The following ITGB8 variants were observed in gnomAD, a reference collection of about 807,000 sequenced individuals.
ITGB8 encodes integrin subunit beta 8.
Under a neutral mutation model 89.5 loss-of-function variants are expected in ITGB8, and 30 were observed. The ratio of observed to expected loss-of-function variants is 0.34; its 90% CI spans 0.25 to 0.45. ITGB8 has a LOEUF of 0.45. ITGB8 is among the 20% of genes least tolerant of loss of function. The pLI is 1.00. For synonymous variants in ITGB8, 335 were observed against 320.4 expected (o/e 1.05, Z -0.49); for missense variants, 836 against 933.3 (o/e 0.90, Z 1.36).
intron 7 of ITGB8, among the ~76,000 whole-genome samples, chr7:20,393,981 TA>T (rs1786969127): frequency 6.6e-6 from 1 of 152,146 alleles, no homozygotes; most frequent in South Asian, 2.1e-4. Flanking sequence ...GTGAGATCCT[TA>T]AGGGTGGAAA....
Position 20,412,760 on chromosome 7 carries a change from G to T in ITGB8, c.*2763G>T, listed in dbSNP as rs1416299463. ...TTACTTGAATAATTGATATCTTCCT[G>T]TGTAATGATTTGTGAGATGAGAATT... On this transcript the variant is annotated 3_prime_UTR_variant, in exon 14 of 14. Coordinates refer to ENST00000222573, the MANE Select transcript of ITGB8 (RefSeq NM_002214.3). The T allele has an allele frequency of 6.6e-6, 1 of 152,478 alleles. No individual in the cohort carries two copies. Among genetic ancestry groups the T allele is most frequent in the Non-Finnish European group, 1.5e-5 (1 of 67,974 alleles). The allele number at this position is 152,478 out of a possible 1,614,324, so 9.4% of individuals were successfully genotyped here. A position where few individuals can be genotyped will look rare whatever the true frequency, so the allele number is the denominator to read the frequency against.
At chr7:20,373,117 A>G (rs1387118154) in intron 3 of ITGB8, among the ~76,000 whole-genome samples, 1 of 152,144 alleles carries the variant, frequency 6.6e-6, no homozygotes, top group Non-Finnish European at 1.5e-5. Context: ...ATGACTTCCA[A>G]TGTAGCATCT....
chr7:20,369,479 T>C (rs1785842439), intron 3 of ITGB8, among the ~76,000 whole-genome samples: 1 of 152,108 alleles, frequency 6.6e-6, no homozygotes, highest in Non-Finnish European at 1.5e-5. Flanking sequence ...GTGAAAGCTC[T>C]CCAGTATCTC....
chr7:20,330,413 G>A (rs1484235338), upstream of ITGB8, among the ~76,000 whole-genome samples: 1 of 152,196 alleles, frequency 6.6e-6, no homozygotes, highest in East Asian at 1.9e-4. Flanking sequence ...GGGGGTGAGA[G>A]ATTGGGGTTT....
chr7:20,341,711 CG>C (rs1784761707), intron 1 of ITGB8, among the ~76,000 whole-genome samples: 1 of 152,052 alleles, frequency 6.6e-6, no homozygotes, highest in South Asian at 2.1e-4. Flanking sequence ...TAGGGCTGTC[CG>C]GGGCTGACAG....
intron 1 of ITGB8, among the ~76,000 whole-genome samples, chr7:20,336,748 G>A (rs1394343376): frequency 4.6e-5 from 7 of 152,112 alleles, no homozygotes; most frequent in Non-Finnish European, 1.0e-4. Flanking sequence ...CTTTGCTATG[G>A]ACACACCCAC....
intron 1 of ITGB8, among the ~76,000 whole-genome samples, chr7:20,351,025 G>C (rs1055565598): frequency 6.6e-6 from 1 of 152,210 alleles, no homozygotes; most frequent in African/African-American, 2.4e-5. Flanking sequence ...GGGTACCAAA[G>C]TATTTAGGAG....
At chr7:20,406,291 C>T in intron 12 of ITGB8, 120 bp downstream of exon 12, 1 of 648,488 alleles carries the variant, frequency 1.5e-6, no homozygotes, top group African/African-American at 1.8e-5. Flanking sequence ...TGGCTCACAC[C>T]TGTAATCCCA....
At chr7:20,405,470 C>T (rs376736988) in intron 11 of ITGB8, among the ~76,000 whole-genome samples, 5 of 146,276 alleles carry the variant, frequency 3.4e-5, no homozygotes, top group African/African-American at 5.2e-5. Context: ...GCCACCACGC[C>T]GGGCTAATTT....
intron 2 of ITGB8, chr7:20,364,962 A>G (rs754513969): frequency 6.6e-6 from 1 of 152,216 alleles, no homozygotes; most frequent in Non-Finnish European, 1.5e-5. Flanking sequence ...CTTGCTGTCA[A>G]CTGCTGAATG....
chr7:20,366,763 C>A, intron 2 of ITGB8: 1 of 373,198 alleles, frequency 2.7e-6, no homozygotes, highest in Admixed American at 4.8e-5. Context: ...GACTCTGTCT[C>A]CGACACAGAA....
At chr7:20,332,386 G>C (rs532383582) in intron 1 of ITGB8, among the ~76,000 whole-genome samples, 53 of 152,202 alleles carry the variant, frequency 3.5e-4, no homozygotes, top group African/African-American at 1.2e-3. Flanking sequence ...CAATTTTTGA[G>C]TCCAGAAAAA....
In ITGB8 at chr7:20,346,748, A is replaced by AT. The variant is rs573960439; in HGVS notation, c.127+14816dup. 5.7e-3 allele frequency: 5,569 copies of AT among 985,250 alleles called. 14 individuals are homozygous for AT. The highest frequency in any genetic ancestry group is 6.3e-3 in the Non-Finnish European group (5,268 of 829,756). The allele number at this position is 985,250 out of a possible 1,614,324, so 61.0% of individuals were successfully genotyped here. ...ATTAAAGTGATTGCCTGAGAAGTAT[A>AT]TAACACCTGACGATTATACCTGAAG... is the stretch of plus-strand genomic sequence containing the variant. On this transcript the variant is annotated intron_variant, in intron 1 of 13. Coordinates refer to ENST00000222573, the MANE Select transcript of ITGB8 (RefSeq NM_002214.3).
In ITGB8 at chr7:20,411,658, C is replaced by T. The variant is rs759499239; in HGVS notation, c.*1661C>T. ...GGCAAATGTTTTTCAATGTGATTTA[C>T]TCATGTCTTAAGTGTATGAGGAAAG... On this transcript the variant is annotated 3_prime_UTR_variant, in exon 14 of 14. Transcript: ENST00000222573. The T allele has an allele frequency of 6.6e-5, 10 of 152,620 alleles. No homozygotes were observed. The highest frequency in any genetic ancestry group is 1.3e-4 in the Non-Finnish European group (9 of 68,044). 9.5% of individuals were successfully genotyped at this position (152,620 alleles called of 1,614,324 possible).
At position 20,400,730 on chromosome 7, in the gene ITGB8, C is replaced by T. The variant is rs532579878; in HGVS notation, c.1282-991C>T. 3.3e-3 allele frequency among the ~76,000 whole-genome samples: 497 copies of T among 152,232 alleles called. 1 individual carries two copies. The highest frequency in any genetic ancestry group is 4.8e-3 in the Non-Finnish European group (326 of 68,012). ...TTGACCAATTCCTGCCAGCACAGCT[C>T]CTTAGTTCTGGGCTATCTTCTTCCA... On this transcript the variant is annotated intron_variant, in intron 9 of 13. Transcript: ENST00000222573.
chr7:20,385,284 T>C (rs1005778529), intron 6 of ITGB8, among the ~76,000 whole-genome samples: 1 of 152,206 alleles, frequency 6.6e-6, no homozygotes, highest in African/African-American at 2.4e-5. Flanking sequence ...ACTCACAGTT[T>C]TAAATAGCGA....
intron 3 of ITGB8, among the ~76,000 whole-genome samples, chr7:20,374,203 G>A (rs902025566): frequency 6.6e-6 from 1 of 152,120 alleles, no homozygotes; most frequent in Non-Finnish European, 1.5e-5. Flanking sequence ...CTATACTGTG[G>A]GAAATAAATT....
intron 6 of ITGB8, among the ~76,000 whole-genome samples, chr7:20,384,338 A>G (rs570356729): frequency 6.6e-6 from 1 of 152,164 alleles, no homozygotes; most frequent in Non-Finnish European, 1.5e-5. Context: ...ACAACTGATT[A>G]AAAAACCCTT....
At chr7:20,359,086 C>G (rs1341158464) in intron 1 of ITGB8, among the ~76,000 whole-genome samples, 2 of 152,154 alleles carry the variant, frequency 1.3e-5, no homozygotes, top group African/African-American at 4.8e-5. Context: ...TGTACATGTA[C>G]CACATTTTCT....
Sources: allele counts gnomAD v4.1 joint callset (sites outside exome capture counted in the v4.1 genomes callset), GRCh38; gene constraint gnomAD v4.1.1; transcripts MANE v1.5; gene names NCBI Gene and HGNC (gene_info 2026-07-23, HGNC 2026-07-21).